The following KDM1B variants were observed in gnomAD, a reference collection of about 807,000 sequenced individuals.
KDM1B encodes the protein lysine-specific histone demethylase 2.
A neutral mutation model predicts 107.4 loss-of-function variants in KDM1B; 63 were observed. That is an observed-to-expected ratio of 0.59 (90% CI 0.48 to 0.72). KDM1B has a LOEUF of 0.72. KDM1B is among the 30% of genes least tolerant of loss of function. The pLI is 0.00. For missense variants in KDM1B, 749 were observed against 1,020.8 expected (o/e 0.73, Z 3.63); for synonymous variants, 363 against 363.9 (o/e 1.00, Z 0.03).
intron 10 of KDM1B, among the ~76,000 whole-genome samples, chr6:18,195,717 G>A (rs140505117): frequency 0.017 from 1,996 of 120,766 alleles, 53 homozygotes; most frequent in African/African-American, 0.066. Context: ...CCTGGTGACA[G>A]AGTGAAACTC....
chr6:18,210,493 G>A (rs1255496693), intron 17 of KDM1B, among the ~76,000 whole-genome samples: 1 of 151,162 alleles, frequency 6.6e-6, no homozygotes, highest in East Asian at 2.0e-4. Context: ...GTGTAACTGG[G>A]ACCACAAGCA....
In KDM1B at chr6:18,207,538, C is replaced by T. The variant is rs2151000040; in HGVS notation, c.1791+9C>T. The T allele has an allele frequency of 1.2e-6, 2 of 1,614,038 alleles. No individual in the cohort carries two copies. Among genetic ancestry groups the T allele is most frequent in the African/African-American group, 2.7e-5 (2 of 75,058 alleles). The stretch of plus-strand genomic sequence containing the variant: ...TTCAACTCAAATCTCCAGTGAGTAT[C>T]AACTGCTGGGAGGCTCTGGCTCGCC... On this transcript the variant is annotated intron_variant, in intron 16 of 21. Coordinates refer to ENST00000650836, the MANE Select transcript of KDM1B (RefSeq NM_001364614.2).
Position 18,193,298 on chromosome 6 carries a change from C to CTTT in KDM1B, c.969+1938_969+1940dup, listed in dbSNP as rs61133563. On this transcript the variant is annotated intron_variant, in intron 10 of 21. Coordinates refer to ENST00000650836, the MANE Select transcript of KDM1B (RefSeq NM_001364614.2). ...TCAAAGACTTTGAAATGTGTGCTTT[C>CTTT]TTTTTTTTTTTTTTTTTTTTTTTGA... Among the ~76,000 whole-genome samples, 725 of 90,054 alleles carry CTTT rather than the reference C, an allele frequency of 8.1e-3. 22 individuals carry two copies. The highest frequency in any genetic ancestry group is 0.029 in the South Asian group (66 of 2,274). The allele number at this position is 90,054 out of a possible 152,430, so 59.1% of individuals were successfully genotyped here.
chr6:18,210,069 A>G (rs1207044582), intron 17 of KDM1B, among the ~76,000 whole-genome samples: 1 of 152,144 alleles, frequency 6.6e-6, no homozygotes, highest in Non-Finnish European at 1.5e-5. Context: ...CTTCTGGAGA[A>G]ATTAGGGCAC....
Position 18,200,681 on chromosome 6 carries a change from C to T in KDM1B, c.1359+105C>T, listed in dbSNP as rs1221630438. On this transcript the variant is annotated intron_variant, in intron 13 of 21. Coordinates refer to ENST00000650836, the MANE Select transcript of KDM1B (RefSeq NM_001364614.2). This position sits in a 1 kb window ranked among gnomAD's most constrained non-coding sequence, Gnocchi z 4.3. ...TTCTAAAGTAAATTACATATAACAG[C>T]CCCCTCATCTCCTATGCAAAGCAGT... 6 of 939,440 alleles carry T rather than the reference C, an allele frequency of 6.4e-6. No individual in the cohort carries two copies. The highest frequency in any genetic ancestry group is 9.3e-6 in the Non-Finnish European group (6 of 645,164). The allele number at this position is 939,440 out of a possible 1,614,324, so 58.2% of individuals were successfully genotyped here.
rs1789981581 is a variant in KDM1B, at chr6:18,223,819, G to A, written c.*1827G>A. ...AACTACAGTTCATGAATAGCTGGTT[G>A]TGTAAAACTAATAAAAAACTAGACT... On this transcript the variant is annotated 3_prime_UTR_variant, in exon 22 of 22. Coordinates refer to ENST00000650836, the MANE Select transcript of KDM1B (RefSeq NM_001364614.2). 6.6e-6 allele frequency: 1 copy of A among 152,170 alleles called. No individual in the cohort carries two copies. Among genetic ancestry groups the A allele is most frequent in the African/African-American group, 2.4e-5 (1 of 41,446 alleles). 9.4% of individuals were successfully genotyped at this position (152,170 alleles called of 1,614,324 possible).
In KDM1B at chr6:18,215,018, C is replaced by T. The variant is rs140580491; in HGVS notation, c.2121C>T (p.Ser707=). 41 of 1,613,652 alleles carry T rather than the reference C, an allele frequency of 2.5e-5. No homozygotes were observed. The highest frequency in any genetic ancestry group is 1.5e-4 in the African/African-American group (11 of 74,908). The change falls in exon 20 of 22, where the codon AGC becomes AGT. Residue 707 remains serine, a synonymous_variant. Transcript: ENST00000650836. Reference sequence around the variant, plus strand: ...TTTCATGTCTCCAGAAGAAGCACAGCGTGCTGATGTCTGTGATTGCCGGGG... The same window carrying T: ...TTTCATGTCTCCAGAAGAAGCACAGTGTGCTGATGTCTGTGATTGCCGGGG... The part of the protein sequence containing the change: ...FYDMDPQKKH[S]VLMSVIAGEA...
chr6:18,167,311 C>T (rs752732580), intron 6 of KDM1B, among the ~76,000 whole-genome samples: 33 of 150,794 alleles, frequency 2.2e-4, no homozygotes, highest in Non-Finnish European at 4.1e-4. Context: ...GAGCTGAGAT[C>T]GTGCCACTGC....
intron 21 of KDM1B, among the ~76,000 whole-genome samples, chr6:18,221,052 CCT>C (rs1263636652): frequency 6.6e-6 from 1 of 152,022 alleles, no homozygotes; most frequent in African/African-American, 2.4e-5. Flanking sequence ...CTTCTAAAAA[CCT>C]ATTTCTGAGG....
In KDM1B at chr6:18,155,893, T is replaced by C. The variant is rs1255944076; in HGVS notation, c.-47T>C. ...TTCCTTTCTGTACAGCGGTGCCTTT[T>C]CCCCGAGACTCCCGGCACCTCTTCA... On this transcript the variant is annotated 5_prime_UTR_variant, in exon 2 of 22. Coordinates refer to ENST00000650836, the MANE Select transcript of KDM1B (RefSeq NM_001364614.2). The surrounding 1 kb of genome is among the most constrained non-coding windows in gnomAD (Gnocchi z 6.2). The C allele has an allele frequency of 1.3e-5, 2 of 152,104 alleles. No individual in the cohort carries two copies. The highest frequency in any genetic ancestry group is 2.9e-5 in the Non-Finnish European group (2 of 68,028). 9.4% of individuals were successfully genotyped at this position (152,104 alleles called of 1,614,324 possible).
chr6:18,181,826 T>C (rs1273462419), intron 7 of KDM1B, among the ~76,000 whole-genome samples: 1 of 152,222 alleles, frequency 6.6e-6, no homozygotes, highest in East Asian at 1.9e-4. Flanking sequence ...TTTTAGTTGA[T>C]ATTGGTCAAC....
intron 9 of KDM1B, 59 bp downstream of exon 9, chr6:18,188,061 G>T (rs956312257): frequency 7.1e-7 from 1 of 1,413,644 alleles, no homozygotes; most frequent in East Asian, 2.5e-5. Context: ...CCTGAGGAAC[G>T]TGTGAGTGAG....
At chr6:18,161,793 A>G (rs868838278) in intron 4 of KDM1B, among the ~76,000 whole-genome samples, 2 of 152,064 alleles carry the variant, frequency 1.3e-5, no homozygotes, top group African/African-American at 4.8e-5. Context: ...TTCTGTAGAC[A>G]CCAGTGTTTG....
At position 18,213,907 on chromosome 6, in the gene KDM1B, T is replaced by G; in HGVS notation, c.2109+126T>G. The G allele has an allele frequency of 9.6e-7, 1 of 1,043,556 alleles. No individual in the cohort carries two copies. Among genetic ancestry groups the G allele is most frequent in the South Asian group, 1.5e-5 (1 of 66,130 alleles). The allele number at this position is 1,043,556 out of a possible 1,614,324, so 64.6% of individuals were successfully genotyped here. A position where few individuals can be genotyped will look rare whatever the true frequency, so the allele number is the denominator to read the frequency against. On this transcript the variant is annotated intron_variant, in intron 19 of 21. Coordinates refer to ENST00000650836, the MANE Select transcript of KDM1B (RefSeq NM_001364614.2). The surrounding 1 kb of genome is among the most constrained non-coding windows in gnomAD (Gnocchi z 5.9). ...TGGAGACCCTGGGTCTATGTTTATA[T>G]TCTGGGAGGACACTTGGACTGGACA...
Position 18,212,442 on chromosome 6 carries a change from A to G in KDM1B, c.1867-46A>G. The G allele has an allele frequency of 1.8e-6, 2 of 1,096,680 alleles. No homozygotes were observed. The highest frequency in any genetic ancestry group is 2.8e-6 in the Non-Finnish European group (2 of 707,904). 67.9% of individuals were successfully genotyped at this position (1,096,680 alleles called of 1,614,324 possible). A position where few individuals can be genotyped will look rare whatever the true frequency, so the allele number is the denominator to read the frequency against. On this transcript the variant is annotated intron_variant, in intron 17 of 21. Transcript: ENST00000650836. The surrounding 1 kb of genome is among the most constrained non-coding windows in gnomAD (Gnocchi z 5.2). ...TTGATACCAGTGTAGTGGTAGTGTG[A>G]GGTTCTGTTGCTGTTTGTTTGTTAA...
chr6:18,208,259 TG>T, intron 17 of KDM1B, 53 bp downstream of exon 17: 1 of 1,315,924 alleles, frequency 7.6e-7, no homozygotes, highest in Non-Finnish European at 1.1e-6. Flanking sequence ...GCCAGGGGCT[TG>T]GAGGGAAGGA....
rs1190800256 is a variant in KDM1B at position 18,203,017 on chromosome 6, GT to G, written c.1531+1361del. ...GCAGGATATTCTCAGGACTTGGTTA[GT>G]GTTTTGTACCTGTGTTGCAGTCACT... is the stretch of plus-strand genomic sequence containing the variant. On this transcript the variant is annotated intron_variant, in intron 14 of 21. Transcript: ENST00000650836. The surrounding 1 kb of genome is among the most constrained non-coding windows in gnomAD (Gnocchi z 5.5). 6.6e-6 allele frequency among the ~76,000 whole-genome samples: 1 copy of G among 152,234 alleles called. No individual in the cohort carries two copies. The highest frequency in any genetic ancestry group is 1.9e-4 in the East Asian group (1 of 5,202).
intron 7 of KDM1B, among the ~76,000 whole-genome samples, chr6:18,182,179 C>A (rs1021809625): frequency 4.0e-5 from 6 of 151,886 alleles, no homozygotes; most frequent in Non-Finnish European, 7.4e-5. Flanking sequence ...TTAGTTAAAG[C>A]CTTTATAGTC....
rs534673168 is a variant in KDM1B, at chr6:18,165,430, G to A, written c.306-837G>A. Among the ~76,000 whole-genome samples the A allele has an allele frequency of 4.6e-5, 7 of 151,936 alleles. No individual in the cohort carries two copies. In the East Asian group the frequency reaches 5.8e-4, roughly 13 times the overall value. ...CAGGCGTGAGCCACCGTACCCCGCC[G>A]CCTTCTCTGATTTTAATTGAGCATT... On this transcript the variant is annotated intron_variant, in intron 5 of 21. Coordinates refer to ENST00000650836, the MANE Select transcript of KDM1B (RefSeq NM_001364614.2).
Sources: allele counts gnomAD v4.1 joint callset (sites outside exome capture counted in the v4.1 genomes callset), GRCh38; gene constraint gnomAD v4.1.1; non-coding constraint Gnocchi (gnomAD v3.1); transcripts MANE v1.5; gene names NCBI Gene and HGNC (gene_info 2026-07-23, HGNC 2026-07-21).